Variants in AP1B1 observed in about 807,000 individuals in gnomAD.
The protein encoded by AP1B1 is AP-1 complex subunit beta-1.
Under a neutral mutation model 104.3 loss-of-function variants are expected in AP1B1, and 36 were observed. That is an observed-to-expected ratio of 0.35 (90% CI 0.26 to 0.46). The LOEUF (loss-of-function observed/expected upper bound fraction) is 0.46, where lower values mean the gene tolerates loss of function less well. AP1B1 is among the 20% of genes least tolerant of loss of function. AP1B1 has a pLI of 1.00. For synonymous variants in AP1B1, 504 were observed against 517.5 expected (o/e 0.97, Z 0.35); for missense variants, 901 against 1,247.9 (o/e 0.72, Z 4.19).
intron 3 of AP1B1, among the ~76,000 whole-genome samples, chr22:29,362,372 A>G (rs1331659934): frequency 6.6e-6 from 1 of 150,766 alleles, no homozygotes; most frequent in Non-Finnish European, 1.5e-5. Flanking sequence ...TTTGAGACTG[A>G]GTCTCGCTCT....
intron 12 of AP1B1, 57 bp downstream of exon 12, chr22:29,342,228 G>A: frequency 6.9e-7 from 1 of 1,442,140 alleles, no homozygotes; most frequent in South Asian, 1.2e-5. Flanking sequence ...TGGGACAAAA[G>A]TTCCCCTGCT....
At position 29,340,941 on chromosome 22, in the gene AP1B1, C is replaced by T; in HGVS notation, c.1797-84G>A. ...CCCCAGCCTCCAGGCAGAGCTGTCCCCCAGGACAGGCACTGAGTCTCCTCA... is the reference window on the plus strand; with the variant it reads ...CCCCAGCCTCCAGGCAGAGCTGTCCTCCAGGACAGGCACTGAGTCTCCTCA... On this transcript the variant is annotated intron_variant, in intron 13 of 22. Transcript: ENST00000357586. 5 of 1,377,800 alleles carry T rather than the reference C, an allele frequency of 3.6e-6. No homozygotes were observed. In the East Asian group the frequency reaches 1.0e-4, roughly 27 times the overall value. 85.3% of individuals were successfully genotyped at this position (1,377,800 alleles called of 1,614,324 possible). A position where few individuals can be genotyped will look rare whatever the true frequency, so the allele number is the denominator to read the frequency against.
intron 1 of AP1B1, among the ~76,000 whole-genome samples, chr22:29,386,097 C>G (rs904129703): frequency 6.6e-6 from 1 of 152,220 alleles, no homozygotes; most frequent in African/African-American, 2.4e-5. Flanking sequence ...CAGCAGGCAT[C>G]AGTCTGCCTA....
At chr22:29,355,645 CAAGGCTGGGT>C (rs1353417384) in intron 6 of AP1B1, among the ~76,000 whole-genome samples, 8 of 151,968 alleles carry the variant, frequency 5.3e-5, no homozygotes, top group Non-Finnish European at 1.2e-4. Flanking sequence ...ATGTAAAGAA[CAAGGCTGGGT>C]GAGGCTGAGA....
chr22:29,362,277 C>A (rs1395662368), intron 3 of AP1B1, among the ~76,000 whole-genome samples: 1 of 152,124 alleles, frequency 6.6e-6, no homozygotes, highest in Non-Finnish European at 1.5e-5. Flanking sequence ...TTGCACCACA[C>A]AGTGTTTGTT....
intron 1 of AP1B1, among the ~76,000 whole-genome samples, chr22:29,385,212 C>CAATAAAAA (rs1257706635): frequency 2.6e-5 from 4 of 152,108 alleles, no homozygotes; most frequent in African/African-American, 9.7e-5. Flanking sequence ...TAGCAAGACT[C>CAATAAAAA]CATCTCTACA....
intron 11 of AP1B1, among the ~76,000 whole-genome samples, chr22:29,345,750 T>C (rs1395559319): frequency 2.0e-5 from 3 of 152,220 alleles, no homozygotes; most frequent in African/African-American, 7.2e-5. Flanking sequence ...AGTTGTGCGA[T>C]CTCGGCTTAC....
At chr22:29,375,109 G>C (rs542137804) in intron 1 of AP1B1, among the ~76,000 whole-genome samples, 2 of 152,212 alleles carry the variant, frequency 1.3e-5, no homozygotes, top group Non-Finnish European at 2.9e-5. Context: ...CCAGCACTTC[G>C]GGAGGCCGAG....
At chr22:29,370,345 C>T (rs113886205) in intron 1 of AP1B1, among the ~76,000 whole-genome samples, 25,014 of 150,990 alleles carry the variant, frequency 0.17, 2,325 homozygotes, top group Non-Finnish European at 0.22. Flanking sequence ...CCCAGCTACT[C>T]GGGAGGCTGA....
Position 29,330,725 on chromosome 22 carries a change from G to A in AP1B1, c.2525-16C>T. 1 of 1,606,676 alleles carries A rather than the reference G, an allele frequency of 6.2e-7. No individual in the cohort carries two copies. The highest frequency in any genetic ancestry group is 2.2e-5 in the East Asian group (1 of 44,718). The stretch of plus-strand genomic sequence containing the variant: ...ATCTGCCGGTCTGCGGGGTGAGCAG[G>A]GTGGGGATGAGAGGCGAGCCCCTCA... On this transcript the variant is annotated splice_polypyrimidine_tract_variant and intron_variant, in intron 19 of 22. Transcript: ENST00000357586.
At position 29,363,119 on chromosome 22, in the gene AP1B1, G is replaced by A; in HGVS notation, c.38-13C>T. The A allele has an allele frequency of 8.1e-7, 1 of 1,232,534 alleles. No individual in the cohort carries two copies. The highest frequency in any genetic ancestry group is 2.3e-5 in the East Asian group (1 of 43,202). The allele number at this position is 1,232,534 out of a possible 1,614,324, so 76.3% of individuals were successfully genotyped here. On this transcript the variant is annotated splice_polypyrimidine_tract_variant and intron_variant, in intron 2 of 22. Transcript: ENST00000357586. ...TCGAAGATCTCCCCTAAGGAAAGGA[G>A]GCAAGCATGAGTGATCCCTCCCTAC...
chr22:29,343,987 T>G (rs1227179951), intron 11 of AP1B1, among the ~76,000 whole-genome samples: 1 of 151,778 alleles, frequency 6.6e-6, no homozygotes, highest in African/African-American at 2.4e-5. Flanking sequence ...GGCAGGTACC[T>G]GTAATCCCAG....
At chr22:29,353,117 G>T (rs1202084946) in intron 7 of AP1B1, among the ~76,000 whole-genome samples, 1 of 152,168 alleles carries the variant, frequency 6.6e-6, no homozygotes, top group African/African-American at 2.4e-5. Flanking sequence ...ACGAGAGTGG[G>T]GCGAGAATCC....
intron 17 of AP1B1, 69 bp from the exon 18 acceptor site, chr22:29,331,985 C>T: frequency 6.8e-7 from 1 of 1,460,108 alleles, no homozygotes; most frequent in Non-Finnish European, 9.2e-7. Context: ...GTGAGCTCCT[C>T]CGACTCGGGA....
At chr22:29,333,797 C>G (rs900796158) in intron 17 of AP1B1, among the ~76,000 whole-genome samples, 12 of 152,230 alleles carry the variant, frequency 7.9e-5, no homozygotes, top group African/African-American at 2.9e-4. Context: ...AGCACGGTCA[C>G]TCACACCTAT....
Position 29,328,680 on chromosome 22 carries a change from G to T in AP1B1, c.*141C>A, listed in dbSNP as rs2061511841. 2.8e-6 allele frequency: 3 copies of T among 1,058,950 alleles called. No homozygotes were observed. The highest frequency in any genetic ancestry group is 2.7e-6 in the Non-Finnish European group (2 of 744,810). 65.6% of individuals were successfully genotyped at this position (1,058,950 alleles called of 1,614,324 possible). On this transcript the variant is annotated 3_prime_UTR_variant, in exon 23 of 23. Coordinates refer to ENST00000357586, the MANE Select transcript of AP1B1 (RefSeq NM_001127.4). This position sits in a 1 kb window ranked among gnomAD's most constrained non-coding sequence, Gnocchi z 4.1. ...GGTGCCCTACCCCAGGGATCGGGTG[G>T]GTTCTGCCATCAGGACCAGGGAGCC... is the stretch of plus-strand genomic sequence containing the variant.
intron 4 of AP1B1, chr22:29,359,604 G>T: frequency 2.0e-6 from 1 of 493,560 alleles, no homozygotes; most frequent in Non-Finnish European, 3.5e-6. Context: ...AACAGGCCTG[G>T]CAGGACCTCA....
intron 9 of AP1B1, 125 bp from the exon 10 acceptor site, chr22:29,350,275 A>C (rs1396564617): frequency 2.9e-6 from 2 of 678,448 alleles, no homozygotes; most frequent in East Asian, 5.5e-5. Context: ...CACAGTGGGA[A>C]AACAGGAGAA....
intron 11 of AP1B1, among the ~76,000 whole-genome samples, chr22:29,343,460 G>C (rs1421773688): frequency 4.6e-5 from 7 of 152,340 alleles, no homozygotes; most frequent in Admixed American, 3.3e-4. Flanking sequence ...CTGCAATTTG[G>C]TTACATGGGG....
Sources: gnomAD v4.1 joint callset for allele counts (sites outside exome capture counted in the v4.1 genomes callset) on GRCh38, gnomAD v4.1.1 for gene constraint, Gnocchi (gnomAD v3.1) non-coding constraint, MANE v1.5 for transcripts, NCBI Gene and HGNC (gene_info 2026-07-23, HGNC 2026-07-21) for gene names.